ACSL5: variants seen among roughly 807,000 people sequenced by gnomAD.
ACSL5 encodes the protein long-chain-fatty-acid--CoA ligase 5.
In ACSL5, 50 loss-of-function variants were observed where a neutral mutation model predicts 84.9. That is an observed-to-expected ratio of 0.59 (90% confidence interval 0.47 to 0.75). ACSL5 has a LOEUF of 0.75. Ranked by LOEUF, ACSL5 falls within the 30% of genes least tolerant of loss-of-function variation. The pLI, the probability that ACSL5 is intolerant of heterozygous loss-of-function variation, is 0.00. For missense variants in ACSL5, 775 were observed against 830.4 expected, an observed-to-expected ratio of 0.93 and a Z score of 0.82; for synonymous variants, 280 against 300.7, an observed-to-expected ratio of 0.93 and a Z score of 0.71.
rs1843994934 is a variant in ACSL5 at position 112,404,877 on chromosome 10, GTCCAGCA to G, written c.432+73_432+79del. The G allele has an allele frequency of 2.2e-6, 3 of 1,342,694 alleles. No homozygotes were observed. The South Asian group carries it at 3.8e-5, about 17-fold the overall frequency. 83.2% of individuals were successfully genotyped at this position (1,342,694 alleles called of 1,614,324 possible). Reference sequence around the variant, plus strand: ...TTAAAAACTTCAAATGCTATTCCCCGTCCAGCATTCCAACACTTGTTAATGCCTTACC... The same window carrying G: ...TTAAAAACTTCAAATGCTATTCCCCGTTCCAACACTTGTTAATGCCTTACC... On this transcript the variant is annotated intron_variant, in intron 5 of 20. Coordinates refer to ENST00000354655, the MANE Select transcript of ACSL5 (RefSeq NM_203379.2).
rs1243180967 is a variant in ACSL5, at chr10:112,417,825, TC to T, written c.1219-20del. 2.5e-6 allele frequency: 4 copies of T among 1,607,614 alleles called. No homozygotes were observed. The East Asian group carries it at 6.7e-5, about 27-fold the overall frequency. On this transcript the variant is annotated intron_variant, in intron 13 of 20. Transcript: ENST00000354655. ...AGCCAAGAGAATAGGTTTTAGTATG[TC>T]TTTTGTTTCCACTGAACAGGACAGC...
chr10:112,427,007 G>A (rs1020504591), intron 20 of ACSL5, 148 bp downstream of exon 20: 9 of 854,924 alleles, frequency 1.1e-5, no homozygotes, highest in Non-Finnish European at 1.6e-5. Context: ...GTAGTTACTT[G>A]TACAGCGCCC....
intron 10 of ACSL5, 122 bp downstream of exon 10, chr10:112,411,651 A>G: frequency 1.1e-6 from 1 of 930,874 alleles, no homozygotes; most frequent in Non-Finnish European, 1.7e-6. Flanking sequence ...CACACACGTT[A>G]AAGGCTGGAG....
intron 1 of ACSL5, among the ~76,000 whole-genome samples, chr10:112,388,675 G>A (rs1849500974): frequency 6.6e-6 from 1 of 152,228 alleles, no homozygotes; most frequent in Non-Finnish European, 1.5e-5. Context: ...CATCAGCTCA[G>A]TTGGCACAAT....
In ACSL5 at chr10:112,421,956, G is replaced by C; in HGVS notation, c.1397G>C (p.Gly466Ala). 6.2e-7 allele frequency: 1 copy of C among 1,614,192 alleles called. No individual in the cohort carries two copies. The highest frequency in any genetic ancestry group is 8.5e-7 in the Non-Finnish European group (1 of 1,180,038). The change falls in exon 16 of 21, where the codon GGG (glycine) becomes GCG (alanine). Residue 466 changes from glycine to alanine, a missense_variant. Gly to Ala is a moderately conservative substitution (Grantham distance 60, BLOSUM62 0). Transcript: ENST00000354655. ...GCACGGTATGTTCTAGGTCACGTTGGGGTGCCCCTGGCTTGCAATTACGTG... is the reference window on the plus strand; with the variant it reads ...GCACGGTATGTTCTAGGTCACGTTGCGGTGCCCCTGGCTTGCAATTACGTG... ...LPGDWTSGHVGVPLACNYVKL... is the reference protein window; with the variant it reads ...LPGDWTSGHVAVPLACNYVKL...
intron 3 of ACSL5, among the ~76,000 whole-genome samples, chr10:112,399,283 C>A (rs1843820050): frequency 6.6e-6 from 1 of 152,176 alleles, no homozygotes. Context: ...TTTCTCAACA[C>A]AAGAAGAACG....
At chr10:112,417,997 C>T in intron 14 of ACSL5, 56 bp downstream of exon 14, 1 of 1,328,218 alleles carries the variant, frequency 7.5e-7, no homozygotes, top group Non-Finnish European at 1.0e-6. Flanking sequence ...CAAACAGGCT[C>T]ACTGTTTAAA....
At chr10:112,415,120 A>G (rs1428631867) in intron 12 of ACSL5, among the ~76,000 whole-genome samples, 1 of 152,126 alleles carries the variant, frequency 6.6e-6, no homozygotes, top group Non-Finnish European at 1.5e-5. Context: ...TTGTTGTTGT[A>G]CATTTTTTAT....
chr10:112,395,215 T>C (rs1843721398), intron 2 of ACSL5, 113 bp downstream of exon 2: 5 of 1,062,282 alleles, frequency 4.7e-6, no homozygotes, highest in Non-Finnish European at 6.7e-6. Context: ...AAAGTAAAGC[T>C]TTCATGTTAC....
At chr10:112,398,804 A>G in intron 2 of ACSL5, 97 bp from the exon 3 acceptor site, 1 of 993,086 alleles carries the variant, frequency 1.0e-6, no homozygotes, top group South Asian at 1.3e-5. Context: ...CGTGACCTCA[A>G]AATCGGCATT....
At chr10:112,418,033 C>A in intron 14 of ACSL5, 92 bp downstream of exon 14, 6 of 1,048,414 alleles carry the variant, frequency 5.7e-6, no homozygotes, top group Middle Eastern at 2.1e-4. Flanking sequence ...CTAAAAGGTA[C>A]CAAAATGAAA....
chr10:112,427,205 G>T lies in ACSL5; in HGVS notation c.1912-13G>T, dbSNP rs1167743569. On this transcript the variant is annotated splice_polypyrimidine_tract_variant and intron_variant, in intron 20 of 20. Transcript: ENST00000354655. The stretch of plus-strand genomic sequence containing the variant: ...CACTAATGAGCATGGATGTGTGTGT[G>T]TTCATCTTCCAGGTCAAAGCCATTT... 2 of 1,607,092 alleles carry T rather than the reference G, an allele frequency of 1.2e-6. No homozygotes were observed. Among genetic ancestry groups the T allele is most frequent in the East Asian group, 4.5e-5 (2 of 44,770 alleles).
At chr10:112,391,031 A>G (rs930729971) in intron 1 of ACSL5, among the ~76,000 whole-genome samples, 1 of 152,214 alleles carries the variant, frequency 6.6e-6, no homozygotes, top group African/African-American at 2.4e-5. Flanking sequence ...GCCCGATTGT[A>G]CATTTTAAAG....
chr10:112,377,762 A>C (rs1849269339), intron 1 of ACSL5, among the ~76,000 whole-genome samples: 1 of 152,170 alleles, frequency 6.6e-6, no homozygotes, highest in Non-Finnish European at 1.5e-5. Flanking sequence ...GGCATAATAA[A>C]AGGAACAAAA....
chr10:112,389,925 G>A (rs2133581449), intron 1 of ACSL5, among the ~76,000 whole-genome samples: 1 of 152,094 alleles, frequency 6.6e-6, no homozygotes, highest in Middle Eastern at 3.4e-3. Flanking sequence ...TGAGTGTATT[G>A]GGCATTAAAA....
chr10:112,398,411 T>A (rs1843794523), intron 2 of ACSL5, among the ~76,000 whole-genome samples: 1 of 151,794 alleles, frequency 6.6e-6, no homozygotes, highest in Non-Finnish European at 1.5e-5. Flanking sequence ...GTATTTTCTT[T>A]TTTTTTTTTC....
chr10:112,402,202 A>C (rs894626964), intron 3 of ACSL5, among the ~76,000 whole-genome samples: 2 of 152,124 alleles, frequency 1.3e-5, no homozygotes, highest in African/African-American at 2.4e-5. Flanking sequence ...TCTTGAGCTC[A>C]AGTGATCTGC....
chr10:112,416,899 G>T lies in ACSL5; in HGVS notation c.1095G>T (p.Glu365Asp). ...LNRIYDKVQNEAKTPLKKFLL... is the reference protein window; with the variant it reads ...LNRIYDKVQNDAKTPLKKFLL... ...CTATCACTCTGCAGGTACAAAATGA[G>T]GCCAAGACACCCTTGAAGAAGTTCT... The change falls in exon 13 of 21, where the codon GAG becomes GAT. Residue 365 changes from glutamate (E) to aspartate (D), a missense_variant. Coordinates refer to ENST00000354655, the MANE Select transcript of ACSL5 (RefSeq NM_203379.2). 3 of 1,614,028 alleles carry T rather than the reference G, an allele frequency of 1.9e-6. No individual in the cohort carries two copies. Among genetic ancestry groups the T allele is most frequent in the Non-Finnish European group, 2.5e-6 (3 of 1,179,970 alleles).
At chr10:112,380,885 A>G (rs1217151161) in intron 1 of ACSL5, among the ~76,000 whole-genome samples, 1 of 152,036 alleles carries the variant, frequency 6.6e-6, no homozygotes, top group Non-Finnish European at 1.5e-5. Context: ...AGGCTCAACA[A>G]TCCTCCTACC....
Sources: allele counts gnomAD v4.1 joint callset (sites outside exome capture counted in the v4.1 genomes callset), GRCh38; gene constraint gnomAD v4.1.1; transcripts MANE v1.5; gene names NCBI Gene and HGNC (gene_info 2026-07-23, HGNC 2026-07-21).